MAML2: variants seen among roughly 807,000 people sequenced by gnomAD.
The protein encoded by MAML2 is mastermind-like protein 2.
MAML2 carries 22 observed loss-of-function variants against 96.1 expected under a neutral mutation model. The ratio of observed to expected loss-of-function variants is 0.23; its 90% CI spans 0.16 to 0.33. The LOEUF (loss-of-function observed/expected upper bound fraction) is 0.33. Ranked by LOEUF, MAML2 falls within the 10% of genes least tolerant of loss-of-function variation. MAML2 has a pLI of 1.00. For missense variants in MAML2, 1,367 were observed against 1,392.4 expected (o/e 0.98, Z 0.29); for synonymous variants, 561 against 521.3 (o/e 1.08, Z -1.04).
At chr11:96,229,832 G>C (rs1419871348) in intron 1 of MAML2, among the ~76,000 whole-genome samples, 2 of 152,042 alleles carry the variant, frequency 1.3e-5, no homozygotes, top group East Asian at 3.8e-4. Flanking sequence ...ATAACATTCT[G>C]TCTTGCAAAA....
intron 1 of MAML2, among the ~76,000 whole-genome samples, chr11:96,276,324 A>G (rs1297152195): frequency 6.6e-6 from 1 of 152,176 alleles, no homozygotes; most frequent in Non-Finnish European, 1.5e-5. Context: ...CTGTGCTGTT[A>G]CACCCTTGCC....
chr11:96,146,851 A>G (rs77396499), intron 1 of MAML2, among the ~76,000 whole-genome samples: 1,552 of 152,350 alleles, frequency 0.01, 18 homozygotes, highest in Admixed American at 0.021. Flanking sequence ...ATTCTTTAAA[A>G]GTGAAAAGAG....
chr11:96,236,882 A>G (rs971694771), intron 1 of MAML2, among the ~76,000 whole-genome samples: 1 of 152,152 alleles, frequency 6.6e-6, no homozygotes, highest in South Asian at 2.1e-4. Flanking sequence ...TTTGTTTTCA[A>G]TAAGTGCTTT....
intron 1 of MAML2, among the ~76,000 whole-genome samples, chr11:96,311,803 A>G (rs1863545984): frequency 6.6e-6 from 1 of 152,120 alleles, no homozygotes; most frequent in Non-Finnish European, 1.5e-5. Flanking sequence ...TTTTTTCAAG[A>G]TCCTTTTTGT....
chr11:96,178,632 A>T (rs1415028840), intron 1 of MAML2, among the ~76,000 whole-genome samples: 2 of 152,206 alleles, frequency 1.3e-5, no homozygotes, highest in African/African-American at 2.4e-5. Flanking sequence ...GAATCAGGGG[A>T]TGTCACAAAA....
At chr11:96,246,405 A>G (rs1862512865) in intron 1 of MAML2, among the ~76,000 whole-genome samples, 1 of 152,090 alleles carries the variant, frequency 6.6e-6, no homozygotes, top group African/African-American at 2.4e-5. Flanking sequence ...GACATGGTTG[A>G]ACTACATACA....
intron 1 of MAML2, among the ~76,000 whole-genome samples, chr11:96,254,598 A>G (rs1203510449): frequency 6.6e-6 from 1 of 152,022 alleles, no homozygotes; most frequent in African/African-American, 2.4e-5. Context: ...ACAAAACAAA[A>G]CAAAAAAAAA....
intron 2 of MAML2, among the ~76,000 whole-genome samples, chr11:96,067,851 T>C (rs933812010): frequency 5.9e-5 from 9 of 152,240 alleles, no homozygotes; most frequent in African/African-American, 2.2e-4. Flanking sequence ...TTTTGCAAGC[T>C]TGTGTTTTCA....
chr11:96,170,284 A>G (rs1275567269), intron 1 of MAML2, among the ~76,000 whole-genome samples: 2 of 152,320 alleles, frequency 1.3e-5, no homozygotes, highest in East Asian at 1.9e-4. Context: ...GGGATGAAAG[A>G]TTTTTCTTCC....
chr11:96,174,050 C>T (rs571267958), intron 1 of MAML2, among the ~76,000 whole-genome samples: 11 of 152,286 alleles, frequency 7.2e-5, no homozygotes, highest in African/African-American at 2.4e-4. Context: ...GCAACAGAAT[C>T]GTCAAGGCAG....
chr11:96,332,699 G>A lies in MAML2; in HGVS notation c.513+8684C>T, dbSNP rs75294406. ...GTAGCACGGTGTGGCAATCAAATGC[G>A]CAAGACTTAGCCGGTTTAGCAAGTA... On this transcript the variant is annotated intron_variant, in intron 1 of 4. Transcript: ENST00000524717. Among the ~76,000 whole-genome samples the A allele has an allele frequency of 3.3e-3, 502 of 152,270 alleles. 3 individuals carry two copies. Among genetic ancestry groups the A allele is most frequent in the African/African-American group, 0.012 (481 of 41,524 alleles).
At chr11:96,135,485 T>G (rs1414512510) in intron 1 of MAML2, among the ~76,000 whole-genome samples, 2 of 151,274 alleles carry the variant, frequency 1.3e-5, no homozygotes, top group Admixed American at 1.3e-4. Context: ...TACTTAGAGA[T>G]GTTAAGTTTT....
intron 1 of MAML2, among the ~76,000 whole-genome samples, chr11:96,108,109 G>A (rs1860055360): frequency 6.6e-6 from 1 of 152,200 alleles, no homozygotes; most frequent in Admixed American, 6.5e-5. Flanking sequence ...AAGTGAGAGG[G>A]AGTCTTATGG....
At chr11:96,296,802 G>T (rs1298235162) in intron 1 of MAML2, among the ~76,000 whole-genome samples, 1 of 152,162 alleles carries the variant, frequency 6.6e-6, no homozygotes. Context: ...AGTTCTTTGG[G>T]TTGGGGGCCA....
chr11:96,014,368 T>C (rs1387916846), intron 2 of MAML2, among the ~76,000 whole-genome samples: 2 of 152,148 alleles, frequency 1.3e-5, no homozygotes, highest in Non-Finnish European at 2.9e-5. Context: ...ACACAGTGGT[T>C]GTTGACTCAC....
At position 96,091,898 on chromosome 11, in the gene MAML2, CTGT is replaced by C. The variant is rs756891209; in HGVS notation, c.2130_2132del (p.Gln711del). On this transcript the variant is annotated inframe_deletion, in exon 2 of 5. Coordinates refer to ENST00000524717, the MANE Select transcript of MAML2 (RefSeq NM_032427.4). ...GGAGTAGTAGAGCCCTTACCTGTCT[CTGT>C]TGTTGGGAGACTTGGTATCCCATTC... is the stretch of plus-strand genomic sequence containing the variant. 3 of 1,612,974 alleles carry C rather than the reference CTGT, an allele frequency of 1.9e-6. No individual in the cohort carries two copies. The highest frequency in any genetic ancestry group is 1.7e-6 in the Non-Finnish European group (2 of 1,179,378).
chr11:96,229,445 T>C (rs1178505388), intron 1 of MAML2, among the ~76,000 whole-genome samples: 1 of 150,800 alleles, frequency 6.6e-6, no homozygotes, highest in Non-Finnish European at 1.5e-5. Flanking sequence ...CAGGAAGCCC[T>C]CTGAATCTCC....
intron 2 of MAML2, among the ~76,000 whole-genome samples, chr11:96,062,854 C>T (rs975304291): frequency 2.6e-5 from 4 of 152,088 alleles, no homozygotes; most frequent in Admixed American, 1.3e-4. Context: ...CAACTTCTGC[C>T]GCCATGAGAT....
intron 1 of MAML2, among the ~76,000 whole-genome samples, chr11:96,301,659 C>T (rs1390557741): frequency 6.6e-6 from 1 of 152,194 alleles, no homozygotes; most frequent in Admixed American, 6.5e-5. Context: ...TGTGATACAT[C>T]TTGGAACTGT....
Sources: gnomAD v4.1 joint callset for allele counts (sites outside exome capture counted in the v4.1 genomes callset) on GRCh38, gnomAD v4.1.1 for gene constraint, MANE v1.5 for transcripts, NCBI Gene and HGNC (gene_info 2026-07-23, HGNC 2026-07-21) for gene names.